The following CCBE1 variants were observed in gnomAD, a reference collection of about 807,000 sequenced individuals.
CCBE1 encodes the protein collagen and calcium-binding EGF domain-containing protein 1.
Under a neutral mutation model 50.0 loss-of-function variants are expected in CCBE1, and 37 were observed. The ratio of observed to expected loss-of-function variants is 0.74; its 90% CI spans 0.57 to 0.97. The LOEUF (loss-of-function observed/expected upper bound fraction) is 0.97, where lower values mean the gene tolerates loss of function less well. Ranked by LOEUF, CCBE1 falls within the 50% of genes least tolerant of loss-of-function variation. CCBE1 has a pLI of 0.00. For missense variants in CCBE1, 538 were observed against 523.8 expected (o/e 1.03, Z -0.26); for synonymous variants, 234 against 203.7 (o/e 1.15, Z -1.27).
chr18:59,547,624 T>C (rs1031197220), intron 2 of CCBE1, among the ~76,000 whole-genome samples: 1 of 152,298 alleles, frequency 6.6e-6, no homozygotes, highest in African/African-American at 2.4e-5. Context: ...ACACACCTGA[T>C]AAAGATTTCA....
intron 2 of CCBE1, among the ~76,000 whole-genome samples, chr18:59,683,289 C>A (rs73961296): frequency 6.6e-6 from 1 of 152,172 alleles, no homozygotes; most frequent in Non-Finnish European, 1.5e-5. Flanking sequence ...ATGTGTCAAA[C>A]GTGTTAGGAA....
At chr18:59,564,188 T>C (rs767096437) in intron 2 of CCBE1, 16 of 152,226 alleles carry the variant, frequency 1.1e-4, no homozygotes, top group Non-Finnish European at 1.9e-4. Context: ...AGTGTTTCAT[T>C]TATATTTACA....
At chr18:59,579,310 G>T (rs1428488857) in intron 2 of CCBE1, among the ~76,000 whole-genome samples, 1 of 151,850 alleles carries the variant, frequency 6.6e-6, no homozygotes, top group African/African-American at 2.4e-5. Flanking sequence ...TATATGTGCA[G>T]ACAGGACGTG....
chr18:59,506,252 G>T (rs1913867937), intron 2 of CCBE1, among the ~76,000 whole-genome samples: 1 of 152,156 alleles, frequency 6.6e-6, no homozygotes, highest in South Asian at 2.1e-4. Flanking sequence ...GAAATGCCAA[G>T]GATTGTCACA....
intron 9 of CCBE1, among the ~76,000 whole-genome samples, chr18:59,439,013 G>T (rs1036739271): frequency 1.3e-5 from 2 of 152,152 alleles, no homozygotes; most frequent in African/African-American, 4.8e-5. Flanking sequence ...TAGGCCGGGT[G>T]TGGTGGCTCA....
intron 2 of CCBE1, among the ~76,000 whole-genome samples, chr18:59,557,559 A>G (rs1006353876): frequency 6.6e-6 from 1 of 152,118 alleles, no homozygotes; most frequent in Non-Finnish European, 1.5e-5. Context: ...AGTACCTCTG[A>G]TTGGTCCCCT....
intron 2 of CCBE1, among the ~76,000 whole-genome samples, chr18:59,561,081 G>A (rs2052729874): frequency 6.6e-6 from 1 of 152,194 alleles, no homozygotes; most frequent in Admixed American, 6.5e-5. Context: ...ACACCATATG[G>A]TTTAAAACCA....
rs747685057 is a variant in CCBE1, at chr18:59,547,047, G to GAGAGGGGGAC, written c.213-66810_213-66809insGTCCCCCTCT. 2.2e-4 allele frequency among the ~76,000 whole-genome samples: 13 copies of GAGAGGGGGAC among 58,536 alleles called. No individual in the cohort carries two copies. In the East Asian group the frequency reaches 2.4e-3, roughly 11 times the overall value. The allele number at this position is 58,536 out of a possible 152,430, so 38.4% of individuals were successfully genotyped here. A position where few individuals can be genotyped will look rare whatever the true frequency, so the allele number is the denominator to read the frequency against. ...AATGGGAGAGAGAAAGAGAGGGGGA[G>GAGAGGGGGAC]AGAGGGGGAGAGAGGGGGAGAGAGG... On this transcript the variant is annotated intron_variant, in intron 2 of 10. Transcript: ENST00000439986.
chr18:59,663,655 C>T (rs1018469216), intron 2 of CCBE1, among the ~76,000 whole-genome samples: 3 of 151,980 alleles, frequency 2.0e-5, no homozygotes, highest in African/African-American at 7.3e-5. Context: ...AGATGACTTT[C>T]AGCAACATGA....
chr18:59,525,733 T>C (rs1483569864), intron 2 of CCBE1, among the ~76,000 whole-genome samples: 1 of 152,256 alleles, frequency 6.6e-6, no homozygotes, highest in Non-Finnish European at 1.5e-5. Context: ...GGGGTTTACA[T>C]TTAACTCTTT....
chr18:59,587,681 G>T (rs138168348), intron 2 of CCBE1, among the ~76,000 whole-genome samples: 12 of 152,226 alleles, frequency 7.9e-5, no homozygotes, highest in African/African-American at 2.6e-4. Flanking sequence ...CTCCTATTCA[G>T]CATTTTTCTG....
intron 2 of CCBE1, among the ~76,000 whole-genome samples, chr18:59,548,133 A>G (rs555626589): frequency 5.9e-5 from 9 of 152,348 alleles, no homozygotes; most frequent in Non-Finnish European, 1.2e-4. Flanking sequence ...TATCCAAGAC[A>G]GTCTCGTCTT....
chr18:59,548,795 C>T (rs1241880262), intron 2 of CCBE1, among the ~76,000 whole-genome samples: 4 of 152,022 alleles, frequency 2.6e-5, no homozygotes, highest in Admixed American at 6.6e-5. Context: ...TGCTCTCAGG[C>T]TACAAACCTG....
chr18:59,607,339 A>C (rs1158957939), intron 2 of CCBE1, among the ~76,000 whole-genome samples: 1 of 152,214 alleles, frequency 6.6e-6, no homozygotes, highest in Non-Finnish European at 1.5e-5. Flanking sequence ...AATCTGAACC[A>C]GTTTATGGGT....
intron 5 of CCBE1, chr18:59,455,176 G>A (rs1291963352): frequency 9.4e-6 from 6 of 639,068 alleles, no homozygotes; most frequent in East Asian, 2.9e-5. Flanking sequence ...GCTGGGCTCA[G>A]CTGTTCCTAT....
rs567232647 is a variant in CCBE1, at chr18:59,480,189, C to T, written c.262G>A (p.Glu88Lys). The stretch of plus-strand genomic sequence containing the variant: ...ATATCTTTTTTATATTACATACCTT[C>T]TGGGATGCATTGTCCAAGAACAAAT... ...YKFVLGQCIP[E>K]DYDVCAEAPC... The change falls in exon 3 of 11, where the codon GAA (glutamate) becomes AAA (lysine). Residue 88 changes from glutamate to lysine, a missense_variant. Glu to Lys is a moderately conservative substitution (Grantham distance 56). Transcript: ENST00000439986. The T allele has an allele frequency of 6.3e-7, 1 of 1,585,440 alleles. No homozygotes were observed. Among genetic ancestry groups the T allele is most frequent in the East Asian group, 2.2e-5 (1 of 44,568 alleles).
At chr18:59,594,488 C>G (rs142220040) in intron 2 of CCBE1, among the ~76,000 whole-genome samples, 5 of 152,150 alleles carry the variant, frequency 3.3e-5, no homozygotes, top group African/African-American at 1.2e-4. Flanking sequence ...GATGGTTGCA[C>G]GCGTACTTAA....
chr18:59,521,524 C>A (rs756597422), intron 2 of CCBE1, among the ~76,000 whole-genome samples: 1 of 152,180 alleles, frequency 6.6e-6, no homozygotes, highest in Non-Finnish European at 1.5e-5. Flanking sequence ...CAGTCAGCAG[C>A]AGATCCAAGG....
chr18:59,569,238 A>G (rs2052871967), intron 2 of CCBE1, among the ~76,000 whole-genome samples: 1 of 152,220 alleles, frequency 6.6e-6, no homozygotes, highest in Non-Finnish European at 1.5e-5. Flanking sequence ...GAAGGTATTA[A>G]GCACTTTATT....
Sources: gnomAD v4.1 joint callset for allele counts (sites outside exome capture counted in the v4.1 genomes callset) on GRCh38, gnomAD v4.1.1 for gene constraint, MANE v1.5 for transcripts, NCBI Gene and HGNC (gene_info 2026-07-23, HGNC 2026-07-21) for gene names.